The following RAB38 variants were observed in gnomAD, a reference collection of about 807,000 sequenced individuals.
RAB38 encodes RAB38, member RAS oncogene family.
Under a neutral mutation model 18.4 loss-of-function variants are expected in RAB38, and 15 were observed. That is an observed-to-expected ratio of 0.82 (90% CI 0.55 to 1.26). RAB38 has a LOEUF of 1.26. Among genes scored for constraint, RAB38 ranks in the 50% most tolerant of loss-of-function variants. The pLI is 0.00. For missense variants in RAB38, 294 were observed against 267.4 expected (o/e 1.10, Z -0.69); for synonymous variants, 101 against 104.4 (o/e 0.97, Z 0.20).
the RAB38 span, among the ~76,000 whole-genome samples, chr11:87,925,055 G>A: frequency 6.6e-6 from 1 of 152,018 alleles, no homozygotes; most frequent in African/African-American, 2.4e-5. Context: ...TTGAACCAGG[G>A]AGAGTAAAGA....
chr11:87,961,727 T>C, the RAB38 span, among the ~76,000 whole-genome samples: 1 of 152,176 alleles, frequency 6.6e-6, no homozygotes, highest in African/African-American at 2.4e-5. Context: ...CATCACGCCA[T>C]GAGCTGAAGA....
the RAB38 span, among the ~76,000 whole-genome samples, chr11:88,006,107 T>C: frequency 1.3e-5 from 2 of 151,236 alleles, no homozygotes; most frequent in Non-Finnish European, 3.0e-5. Context: ...CAACAAAAAA[T>C]GTGCAAAGGA....
At chr11:87,855,497 T>C in the RAB38 span, among the ~76,000 whole-genome samples, 86,331 of 152,002 alleles carry the variant, frequency 0.57, 26,365 homozygotes, top group South Asian at 0.72. Flanking sequence ...GGTCATTATA[T>C]TGGAAGTTTT....
At chr11:88,131,604 C>T (rs1271879596) in intron 2 of RAB38, among the ~76,000 whole-genome samples, 1 of 152,192 alleles carries the variant, frequency 6.6e-6, no homozygotes, top group Non-Finnish European at 1.5e-5. Context: ...TGCTTGATCT[C>T]ATCTGATTTC....
chr11:88,064,734 G>T, the RAB38 span, among the ~76,000 whole-genome samples: 3 of 152,148 alleles, frequency 2.0e-5, no homozygotes, highest in African/African-American at 7.2e-5. Flanking sequence ...TTATGTACAT[G>T]AAATTTTCTT....
chr11:87,916,459 A>G, the RAB38 span, among the ~76,000 whole-genome samples: 1 of 152,100 alleles, frequency 6.6e-6, no homozygotes, highest in South Asian at 2.1e-4. Flanking sequence ...GTTTTGTTAT[A>G]AAGTGAGGGT....
the RAB38 span, among the ~76,000 whole-genome samples, chr11:87,966,928 A>C: frequency 6.6e-6 from 1 of 152,292 alleles, no homozygotes; most frequent in South Asian, 2.1e-4. Flanking sequence ...TGAACAAATA[A>C]AGCTTCTAAG....
At chr11:88,171,664 AG>A (rs1199658825) in intron 1 of RAB38, among the ~76,000 whole-genome samples, 1 of 152,220 alleles carries the variant, frequency 6.6e-6, no homozygotes, top group Non-Finnish European at 1.5e-5. Flanking sequence ...CATAAGAATA[AG>A]GGCTTAAGAA....
At chr11:87,884,145 T>C in the RAB38 span, among the ~76,000 whole-genome samples, 2 of 152,078 alleles carry the variant, frequency 1.3e-5, no homozygotes, top group African/African-American at 4.8e-5. Flanking sequence ...TCTATCCTTA[T>C]CTTTAGATTA....
chr11:88,168,104 A>G (rs1285398691), intron 1 of RAB38, among the ~76,000 whole-genome samples: 1 of 152,086 alleles, frequency 6.6e-6, no homozygotes, highest in Non-Finnish European at 1.5e-5. Context: ...TTAACACCAA[A>G]CCACTTTTAC....
the RAB38 span, among the ~76,000 whole-genome samples, chr11:87,871,355 C>T: frequency 6.6e-6 from 1 of 151,530 alleles, no homozygotes; most frequent in Non-Finnish European, 1.5e-5. Flanking sequence ...AGTGAGGCTT[C>T]ATGTGAAAAA....
the RAB38 span, among the ~76,000 whole-genome samples, chr11:87,937,144 T>A: frequency 4.6e-5 from 7 of 151,652 alleles, no homozygotes; most frequent in East Asian, 1.4e-3. Context: ...ACTACTTTTC[T>A]GACATTATTA....
the RAB38 span, among the ~76,000 whole-genome samples, chr11:88,053,529 G>A: frequency 4.7e-5 from 7 of 149,752 alleles, no homozygotes; most frequent in Admixed American, 1.3e-4. Context: ...TTCATGTCCT[G>A]GAAAATTATC....
chr11:87,895,558 C>T, the RAB38 span, among the ~76,000 whole-genome samples: 22 of 151,764 alleles, frequency 1.4e-4, no homozygotes, highest in African/African-American at 5.3e-4. Flanking sequence ...TTATTAGCCT[C>T]ATTTTACAGA....
the RAB38 span, among the ~76,000 whole-genome samples, chr11:88,083,433 T>C: frequency 6.6e-6 from 1 of 151,932 alleles, no homozygotes; most frequent in African/African-American, 2.4e-5. Context: ...GCATGCTTTA[T>C]GGTGATACTT....
chr11:88,062,460 A>G, the RAB38 span, among the ~76,000 whole-genome samples: 7 of 152,222 alleles, frequency 4.6e-5, no homozygotes, highest in Non-Finnish European at 8.8e-5. Flanking sequence ...GTATTTCTTT[A>G]TAGCAGTGTG....
At chr11:88,141,622 C>G (rs959120549) in intron 2 of RAB38, among the ~76,000 whole-genome samples, 1 of 152,164 alleles carries the variant, frequency 6.6e-6, no homozygotes, top group Non-Finnish European at 1.5e-5. Flanking sequence ...GTTCAGACTT[C>G]TACAGTCCAT....
the RAB38 span, among the ~76,000 whole-genome samples, chr11:88,021,156 C>T: frequency 6.6e-6 from 1 of 151,884 alleles, no homozygotes; most frequent in South Asian, 2.1e-4. Context: ...ATCAACAAAA[C>T]AAAAAGTTGG....
At chr11:87,839,791 C>T in the RAB38 span, among the ~76,000 whole-genome samples, 1 of 152,108 alleles carries the variant, frequency 6.6e-6, no homozygotes, top group Non-Finnish European at 1.5e-5. Flanking sequence ...TCTCCAGCAC[C>T]ATCCATTCAT....
Sources: allele counts gnomAD v4.1 joint callset (sites outside exome capture counted in the v4.1 genomes callset), GRCh38; gene constraint gnomAD v4.1.1; transcripts MANE v1.5; gene names NCBI Gene and HGNC (gene_info 2026-07-23, HGNC 2026-07-21).